The following AOPEP variants were observed in gnomAD, a reference collection of about 807,000 sequenced individuals.
The protein encoded by AOPEP is aminopeptidase O.
Under a neutral mutation model 98.1 loss-of-function variants are expected in AOPEP, and 77 were observed. That is an observed-to-expected ratio of 0.78 (90% CI 0.65 to 0.95). The LOEUF (loss-of-function observed/expected upper bound fraction) is 0.95, where lower values mean the gene tolerates loss of function less well. Among genes scored for constraint, AOPEP ranks in the 40% least tolerant of loss-of-function variants. The pLI, the probability that AOPEP is intolerant of heterozygous loss-of-function variation, is 0.00. For missense variants in AOPEP, 1,024 were observed against 1,024.7 expected (o/e 1.00, Z 0.01); for synonymous variants, 346 against 365.3 (o/e 0.95, Z 0.60).
rs565758869 is a variant in AOPEP, at chr9:94,746,020, C to T, written c.-135-13629C>T. 1.6e-4 allele frequency among the ~76,000 whole-genome samples: 25 copies of T among 152,296 alleles called. No individual in the cohort carries two copies. In the South Asian group the frequency reaches 3.1e-3, roughly 19 times the overall value. On this transcript the variant is annotated intron_variant, in intron 1 of 16. Transcript: ENST00000375315. ...GACAGGGGTTCCCCTTTCTTCACAT[C>T]GTTGCTTGCGTTCGTTATTGCCTCT...
chr9:95,108,846 T>G, the AOPEP span, among the ~76,000 whole-genome samples: 1 of 152,140 alleles, frequency 6.6e-6, no homozygotes, highest in Non-Finnish European at 1.5e-5. Flanking sequence ...CTTTCATTTT[T>G]CTCTCCATAA....
intron 2 of AOPEP, among the ~76,000 whole-genome samples, chr9:94,771,117 G>C (rs1840770529): frequency 6.6e-6 from 1 of 152,148 alleles, no homozygotes; most frequent in South Asian, 2.1e-4. Flanking sequence ...GGCACAAGTG[G>C]AATGTGTAAT....
intron 5 of AOPEP, among the ~76,000 whole-genome samples, chr9:94,840,803 A>AT (rs987212284): frequency 1.3e-5 from 2 of 151,500 alleles, no homozygotes; most frequent in Non-Finnish European, 2.9e-5. Flanking sequence ...TGTATTCCCC[A>AT]TTTTTTTAAA....
intron 13 of AOPEP, among the ~76,000 whole-genome samples, chr9:95,053,798 C>T (rs1390731759): frequency 6.6e-6 from 1 of 152,160 alleles, no homozygotes; most frequent in African/African-American, 2.4e-5. Context: ...TAGCTCACCG[C>T]AGCCTCCAAC....
rs181185283 is a variant in AOPEP at position 94,874,045 on chromosome 9, A to G, written c.1365-49941A>G. The stretch of plus-strand genomic sequence containing the variant: ...CATGTAAAGTATATTAGAAATAACT[A>G]TGTTTTATTTTGTGATCATGGAGAA... On this transcript the variant is annotated intron_variant, in intron 5 of 16. Transcript: ENST00000375315. Among the ~76,000 whole-genome samples the G allele has an allele frequency of 1.1e-4, 16 of 152,298 alleles. No homozygotes were observed. In the East Asian group the frequency reaches 2.7e-3, roughly 26 times the overall value.
At chr9:94,767,362 T>C (rs138220582) in intron 2 of AOPEP, among the ~76,000 whole-genome samples, 1 of 152,286 alleles carries the variant, frequency 6.6e-6, no homozygotes, top group East Asian at 1.9e-4. Context: ...ATGGACTGTA[T>C]CAGTCTCAAC....
chr9:95,111,539 G>A, the AOPEP span: 3 of 1,614,164 alleles, frequency 1.9e-6, no homozygotes, highest in Admixed American at 1.7e-5. Flanking sequence ...GGCCGTGGGG[G>A]GTTCGGCTGC....
At chr9:95,118,853 G>A in the AOPEP span, among the ~76,000 whole-genome samples, 1 of 152,202 alleles carries the variant, frequency 6.6e-6, no homozygotes, top group Admixed American at 6.5e-5. Flanking sequence ...GTTTGGGGCT[G>A]TCATGAATAA....
the AOPEP span, among the ~76,000 whole-genome samples, chr9:95,139,644 T>C: frequency 1.3e-5 from 2 of 151,564 alleles, no homozygotes; most frequent in Admixed American, 1.3e-4. Context: ...TCTGGAGTGA[T>C]GTGGCTATGG....
chr9:94,863,850 C>T (rs767959933), intron 5 of AOPEP, among the ~76,000 whole-genome samples: 7 of 152,214 alleles, frequency 4.6e-5, no homozygotes, highest in Admixed American at 6.5e-5. Context: ...GAAAGGCCTG[C>T]ACCAACTGTC....
intron 5 of AOPEP, among the ~76,000 whole-genome samples, chr9:94,918,489 C>A (rs997830195): frequency 6.6e-6 from 1 of 152,072 alleles, no homozygotes; most frequent in Non-Finnish European, 1.5e-5. Context: ...CACAGAGGGA[C>A]GGGAGCCCAG....
chr9:95,045,048 G>A (rs1172437535), intron 13 of AOPEP, among the ~76,000 whole-genome samples: 15 of 152,304 alleles, frequency 9.8e-5, no homozygotes, highest in East Asian at 1.9e-4. Context: ...GAAAGGGCGC[G>A]CCAAGGACGG....
At chr9:94,871,528 A>T (rs1230894758) in intron 5 of AOPEP, among the ~76,000 whole-genome samples, 2 of 152,216 alleles carry the variant, frequency 1.3e-5, no homozygotes, top group African/African-American at 4.8e-5. Context: ...GTAGCTCAGC[A>T]TGTGCTGTTT....
chr9:94,932,749 GC>G (rs1192802810), intron 7 of AOPEP: 1 of 967,546 alleles, frequency 1.0e-6, no homozygotes. Flanking sequence ...CTCCCAAAGT[GC>G]TGGGATTATA....
chr9:94,851,222 C>T (rs980462876), intron 5 of AOPEP, among the ~76,000 whole-genome samples: 2 of 152,114 alleles, frequency 1.3e-5, no homozygotes, highest in African/African-American at 4.8e-5. Flanking sequence ...TCCTTGCAGG[C>T]GTGCCTTGGC....
rs56944863 is a variant in AOPEP at position 94,845,494 on chromosome 9, G to A, written c.1364+44492G>A. ...AGGTGTGCCTTGAAAAGATCATGCTGGGTGGATACCCGTTTTGGGGGAACG... is the reference window on the plus strand; with the variant it reads ...AGGTGTGCCTTGAAAAGATCATGCTAGGTGGATACCCGTTTTGGGGGAACG... On this transcript the variant is annotated intron_variant, in intron 5 of 16. Transcript: ENST00000375315. Among the ~76,000 whole-genome samples, 724 of 152,312 alleles carry A rather than the reference G, an allele frequency of 4.8e-3. 1 individual carries two copies. Among genetic ancestry groups the A allele is most frequent in the African/African-American group, 0.017 (700 of 41,556 alleles).
At chr9:94,845,133 G>A (rs1456284492) in intron 5 of AOPEP, among the ~76,000 whole-genome samples, 2 of 152,216 alleles carry the variant, frequency 1.3e-5, no homozygotes, top group Non-Finnish European at 2.9e-5. Context: ...AAAGCACTAT[G>A]AAGAGAAATA....
the AOPEP span, chr9:95,100,744 C>G: frequency 3.1e-5 from 7 of 226,550 alleles, no homozygotes; most frequent in African/African-American, 1.6e-4. Flanking sequence ...GATCCTCATG[C>G]CTCAGCCTCT....
the AOPEP span, among the ~76,000 whole-genome samples, chr9:95,142,035 C>G: frequency 6.9e-5 from 10 of 144,848 alleles, no homozygotes; most frequent in Admixed American, 6.9e-4. Flanking sequence ...TCTTGTCGCC[C>G]AGGCTGGAGT....
Sources: allele counts gnomAD v4.1 joint callset (sites outside exome capture counted in the v4.1 genomes callset), GRCh38; gene constraint gnomAD v4.1.1; transcripts MANE v1.5; gene names NCBI Gene and HGNC (gene_info 2026-07-23, HGNC 2026-07-21).